POFUT3: variants seen among roughly 807,000 people sequenced by gnomAD.
The protein encoded by POFUT3 is protein O-fucosyltransferase 3, also known as GDP-fucose protein O-fucosyltransferase 3.
At chr8:33,461,044 A>G in the POFUT3 span, among the ~76,000 whole-genome samples, 1 of 151,680 alleles carries the variant, frequency 6.6e-6, no homozygotes, top group Non-Finnish European at 1.5e-5. Context: ...AATCCCAACT[A>G]CTCGGGAGGT....
the POFUT3 span, chr8:33,453,202 A>C: frequency 6.2e-7 from 1 of 1,610,698 alleles, no homozygotes; most frequent in South Asian, 1.1e-5. Context: ...GAGAAAGGCG[A>C]AAGTCCTGCT....
chr8:33,435,113 T>A, the POFUT3 span, among the ~76,000 whole-genome samples: 7 of 152,228 alleles, frequency 4.6e-5, no homozygotes, highest in Admixed American at 1.3e-4. Context: ...TCCAGAGACT[T>A]CTCATGACTA....
At chr8:33,465,395 T>TAC in the POFUT3 span, among the ~76,000 whole-genome samples, 1 of 134,640 alleles carries the variant, frequency 7.4e-6, no homozygotes, top group Non-Finnish European at 1.6e-5. Context: ...AGATCATATA[T>TAC]ATATATATAT....
chr8:33,362,211 C>T, the POFUT3 span, among the ~76,000 whole-genome samples: 2 of 152,064 alleles, frequency 1.3e-5, no homozygotes, highest in African/African-American at 2.4e-5. Context: ...TACAGACAAG[C>T]AAATGCTGAG....
chr8:33,404,903 A>T, the POFUT3 span, among the ~76,000 whole-genome samples: 1 of 152,172 alleles, frequency 6.6e-6, no homozygotes, highest in African/African-American at 2.4e-5. Context: ...CAACAACAAA[A>T]AAAGAAGCAG....
chr8:33,333,771 G>A, the POFUT3 span, among the ~76,000 whole-genome samples: 2 of 152,218 alleles, frequency 1.3e-5, no homozygotes, highest in Admixed American at 6.5e-5. Context: ...ACGGATTCAG[G>A]TCCATACTCT....
chr8:33,437,769 C>T, the POFUT3 span, among the ~76,000 whole-genome samples: 110 of 152,052 alleles, frequency 7.2e-4, no homozygotes, highest in African/African-American at 1.9e-3. Flanking sequence ...CAAGATCATC[C>T]GCTGCACTCC....
chr8:33,309,377 T>G, the POFUT3 span, among the ~76,000 whole-genome samples: 43 of 146,228 alleles, frequency 2.9e-4, 1 homozygote, highest in African/African-American at 4.9e-4. Flanking sequence ...GTGTGTGTGT[T>G]TTTCTCCCCT....
chr8:33,409,878 C>T, the POFUT3 span, among the ~76,000 whole-genome samples: 111 of 152,246 alleles, frequency 7.3e-4, 1 homozygote, highest in African/African-American at 2.6e-3. Context: ...GCGCTGCAGC[C>T]TGGGCGACAA....
the POFUT3 span, among the ~76,000 whole-genome samples, chr8:33,432,398 ACT>A: frequency 6.7e-6 from 1 of 149,790 alleles, no homozygotes; most frequent in African/African-American, 2.5e-5. Context: ...TAAAAGCGAG[ACT>A]CTGTCTCAAA....
At chr8:33,424,822 GGCCACT>G in the POFUT3 span, among the ~76,000 whole-genome samples, 2 of 152,106 alleles carry the variant, frequency 1.3e-5, no homozygotes, top group African/African-American at 4.8e-5. Flanking sequence ...AAATGGAACA[GGCCACT>G]GCTCTTGCCG....
the POFUT3 span, among the ~76,000 whole-genome samples, chr8:33,449,210 T>C: frequency 6.6e-6 from 1 of 150,584 alleles, no homozygotes; most frequent in East Asian, 2.0e-4. Context: ...CTGTGGGCAC[T>C]GAGAGAAGAA....
chr8:33,320,012 T>C, the POFUT3 span, among the ~76,000 whole-genome samples: 5 of 151,396 alleles, frequency 3.3e-5, no homozygotes, highest in Non-Finnish European at 7.4e-5. Context: ...GACTATACCA[T>C]CCTCTGCTTA....
the POFUT3 span, among the ~76,000 whole-genome samples, chr8:33,462,929 T>TA: frequency 6.9e-6 from 1 of 144,616 alleles, no homozygotes; most frequent in African/African-American, 2.6e-5. Flanking sequence ...AGACCCTATC[T>TA]CAAAAAAAAA....
chr8:33,379,390 C>T, the POFUT3 span, among the ~76,000 whole-genome samples: 4 of 133,366 alleles, frequency 3.0e-5, no homozygotes, highest in Admixed American at 7.7e-5. Context: ...GTCCAGGAAT[C>T]AAAAAAAAAA....
At chr8:33,339,597 C>T in the POFUT3 span, among the ~76,000 whole-genome samples, 240 of 152,016 alleles carry the variant, frequency 1.6e-3, 3 homozygotes, top group African/African-American at 5.5e-3. Flanking sequence ...CAAGTTAAAC[C>T]GAGAGAAATC....
At chr8:33,340,124 G>A in the POFUT3 span, among the ~76,000 whole-genome samples, 10 of 151,974 alleles carry the variant, frequency 6.6e-5, no homozygotes, top group South Asian at 2.1e-4. Context: ...AAGGAGACAT[G>A]GTTTCTATAT....
chr8:33,343,884 C>T, the POFUT3 span, among the ~76,000 whole-genome samples: 1 of 152,186 alleles, frequency 6.6e-6, no homozygotes, highest in Non-Finnish European at 1.5e-5. Flanking sequence ...GTGTTCTCCT[C>T]TCATATGGCA....
the POFUT3 span, among the ~76,000 whole-genome samples, chr8:33,448,636 A>G: frequency 1.3e-5 from 2 of 152,072 alleles, no homozygotes; most frequent in African/African-American, 4.8e-5. Context: ...CTCTATTCAT[A>G]AAGACTCTAA....
Sources: gnomAD v4.1 joint callset for allele counts (sites outside exome capture counted in the v4.1 genomes callset) on GRCh38, gnomAD v4.1.1 for gene constraint, MANE v1.5 for transcripts, NCBI Gene and HGNC (gene_info 2026-07-23, HGNC 2026-07-21) for gene names.